Variants in FAM13C observed in about 807,000 individuals in gnomAD.
FAM13C encodes protein FAM13C.
FAM13C carries 37 observed loss-of-function variants against 73.2 expected under a neutral mutation model. The observed-to-expected ratio is 0.51, with a 90% CI of 0.39 to 0.67. The LOEUF is 0.67. Ranked by LOEUF, FAM13C falls within the 30% of genes least tolerant of loss-of-function variation. The pLI, the probability that FAM13C is intolerant of heterozygous loss-of-function variation, is 0.00. For synonymous variants in FAM13C, 246 were observed against 260.9 expected (o/e 0.94, Z 0.55); for missense variants, 589 against 715.6 (o/e 0.82, Z 2.02).
At chr10:59,269,448 ACAT>A (rs1424555931) in intron 7 of FAM13C, among the ~76,000 whole-genome samples, 1 of 151,358 alleles carries the variant, frequency 6.6e-6, no homozygotes, top group Non-Finnish European at 1.5e-5. Context: ...ACACACACAC[ACAT>A]TATTTGGATG....
chr10:59,361,375 T>A (rs1282076508), intron 1 of FAM13C, among the ~76,000 whole-genome samples: 1 of 152,170 alleles, frequency 6.6e-6, no homozygotes, highest in Non-Finnish European at 1.5e-5. Context: ...TGGCAGGACT[T>A]GGAAGCCAAA....
At chr10:59,291,785 CTTTTTT>C (rs3078288) in intron 5 of FAM13C, among the ~76,000 whole-genome samples, 1 of 72,770 alleles carries the variant, frequency 1.4e-5, no homozygotes, top group Admixed American at 1.6e-4. Context: ...TATAAACTCC[CTTTTTT>C]TTTTTTTTTT....
At chr10:59,357,902 T>C (rs192987324) in intron 1 of FAM13C, among the ~76,000 whole-genome samples, 108 of 152,364 alleles carry the variant, frequency 7.1e-4, no homozygotes, top group African/African-American at 2.5e-3. Context: ...ATACTGTTTA[T>C]ACTATATGAA....
Position 59,263,936 on chromosome 10 carries a change from T to C in FAM13C, c.1024+149A>G, listed in dbSNP as rs1297944444. ...GCCAAACAATGACAGAGATACAGGG[T>C]GCTTTATTTCAAAAGGGAGTTACAG... On this transcript the variant is annotated intron_variant, in intron 9 of 13. Coordinates refer to ENST00000618804, the MANE Select transcript of FAM13C (RefSeq NM_198215.4). The C allele has an allele frequency of 7.0e-6, 5 of 710,452 alleles. No homozygotes were observed. The East Asian group carries it at 1.1e-4, about 15-fold the overall frequency. 44.0% of individuals were successfully genotyped at this position (710,452 alleles called of 1,614,324 possible).
chr10:59,253,096 A>C, intron 11 of FAM13C, 98 bp from the exon 12 acceptor site: 1 of 1,224,976 alleles, frequency 8.2e-7, no homozygotes, highest in Non-Finnish European at 1.2e-6. Context: ...AATGCCATGA[A>C]AACCAGTAGG....
chr10:59,251,263 AC>A (rs1457371023), intron 13 of FAM13C: 4 of 395,582 alleles, frequency 1.0e-5, no homozygotes, highest in African/African-American at 2.1e-5. Flanking sequence ...AAAAAAATCA[AC>A]AGATTTTTTT....
intron 1 of FAM13C, among the ~76,000 whole-genome samples, chr10:59,361,369 A>T (rs1205050418): frequency 6.6e-6 from 1 of 152,228 alleles, no homozygotes; most frequent in African/African-American, 2.4e-5. Flanking sequence ...TGATAGTGGC[A>T]GGACTTGGAA....
chr10:59,270,036 G>A lies in FAM13C; in HGVS notation c.666C>T (p.Thr222=), dbSNP rs1239060265. The A allele has an allele frequency of 6.2e-7, 1 of 1,613,856 alleles. No individual in the cohort carries two copies. Among genetic ancestry groups the A allele is most frequent in the Admixed American group, 1.7e-5 (1 of 60,006 alleles). ...CAGTGATGTGATAGAGCAGCCTGCT[G>A]GTCCCCACAGAGTGGAGGTCTTCTG... ...SAPEDLHSVG[T]SRLLYHITDG... is the part of the protein sequence containing the mutation. Residue 222 remains threonine (T), a synonymous_variant, in exon 7 of 14, where the codon ACC becomes ACT. Coordinates refer to ENST00000618804, the MANE Select transcript of FAM13C (RefSeq NM_198215.4).
intron 5 of FAM13C, among the ~76,000 whole-genome samples, chr10:59,296,265 A>G (rs980774006): frequency 6.6e-6 from 1 of 152,190 alleles, no homozygotes; most frequent in Non-Finnish European, 1.5e-5. Flanking sequence ...ATAAAAACAC[A>G]ATCTAGTCCT....
intron 8 of FAM13C, among the ~76,000 whole-genome samples, chr10:59,265,017 T>G (rs770676859): frequency 6.6e-6 from 1 of 151,966 alleles, no homozygotes; most frequent in Non-Finnish European, 1.5e-5. Context: ...TTTTTTTCTT[T>G]AAGGATCCAC....
intron 7 of FAM13C, 141 bp from the exon 8 acceptor site, chr10:59,268,832 C>T: frequency 1.1e-6 from 1 of 944,984 alleles, no homozygotes; most frequent in Non-Finnish European, 1.5e-6. Flanking sequence ...ACCATGGTAG[C>T]ATCTGCTCAT....
intron 6 of FAM13C, 37 bp from the exon 7 acceptor site, chr10:59,270,146 G>T: frequency 6.3e-7 from 1 of 1,589,758 alleles, no homozygotes; most frequent in South Asian, 1.1e-5. Flanking sequence ...ACTTAGAAGT[G>T]ACAGAGGGCT....
At chr10:59,295,190 A>G (rs182257628) in intron 5 of FAM13C, among the ~76,000 whole-genome samples, 7 of 152,332 alleles carry the variant, frequency 4.6e-5, no homozygotes, top group Admixed American at 4.6e-4. Flanking sequence ...ATAATCAAAC[A>G]CTAATCTAGG....
Position 59,352,457 on chromosome 10 carries a change from T to C in FAM13C, c.137A>G (p.Glu46Gly). The change falls in exon 3 of 14, where the codon GAG becomes GGG. Residue 46 changes from glutamate (E) to glycine (G), a missense_variant. Coordinates refer to ENST00000618804, the MANE Select transcript of FAM13C (RefSeq NM_198215.4). ...CSSLRDENNK[E>G]NYPDAGALVE... ...CAGAGCCCCTGCGTCGGGGTAGTTCTCTTTATTGTTTTCATCTCTAAAACA... is the reference window on the plus strand; with the variant it reads ...CAGAGCCCCTGCGTCGGGGTAGTTCCCTTTATTGTTTTCATCTCTAAAACA... 1 of 1,609,234 alleles carries C rather than the reference T, an allele frequency of 6.2e-7. No individual in the cohort carries two copies. Among genetic ancestry groups the C allele is most frequent in the South Asian group, 1.1e-5 (1 of 90,246 alleles).
At chr10:59,310,227 C>A (rs1848760732) in intron 4 of FAM13C, among the ~76,000 whole-genome samples, 2 of 152,144 alleles carry the variant, frequency 1.3e-5, no homozygotes, top group African/African-American at 4.8e-5. Context: ...TATGAGAAGG[C>A]AATACTTGGG....
At chr10:59,280,946 A>T (rs2133667765) in intron 6 of FAM13C, among the ~76,000 whole-genome samples, 1 of 152,324 alleles carries the variant, frequency 6.6e-6, no homozygotes, top group East Asian at 1.9e-4. Flanking sequence ...AGGTATTCTT[A>T]TGAAAATCAC....
At chr10:59,253,470 C>T (rs564043719) in intron 11 of FAM13C, among the ~76,000 whole-genome samples, 74 of 152,232 alleles carry the variant, frequency 4.9e-4, no homozygotes, top group Non-Finnish European at 7.9e-4. Context: ...AGTAAATTGA[C>T]AAGTTCAGGG....
rs1182670419 is a variant in FAM13C, at chr10:59,314,618, A to ATT, written c.443+9369_443+9370insAA. ...TTTTCTTGTGTTGGTGCTAAACTTA[A>ATT]GGCACTAAGAAGACTTCAACAGCTG... On this transcript the variant is annotated intron_variant, in intron 4 of 13. Transcript: ENST00000618804. 7.9e-5 allele frequency among the ~76,000 whole-genome samples: 12 copies of ATT among 152,316 alleles called. No homozygotes were observed. In the East Asian group the frequency reaches 9.7e-4, roughly 12 times the overall value.
chr10:59,246,136 A>T lies in FAM13C; in HGVS notation c.*1478T>A, dbSNP rs1033942223. ...TACTGTGTTTCAACATAATAAATAT[A>T]ATAGAAAAATATTTTATTTGTATTG... On this transcript the variant is annotated 3_prime_UTR_variant, in exon 14 of 14. Transcript: ENST00000618804. The T allele has an allele frequency of 6.5e-6, 1 of 152,722 alleles. No individual in the cohort carries two copies. Among genetic ancestry groups the T allele is most frequent in the Non-Finnish European group, 1.5e-5 (1 of 68,096 alleles). 9.5% of individuals were successfully genotyped at this position (152,722 alleles called of 1,614,324 possible).
Sources: allele counts gnomAD v4.1 joint callset (sites outside exome capture counted in the v4.1 genomes callset), GRCh38; gene constraint gnomAD v4.1.1; transcripts MANE v1.5; gene names NCBI Gene and HGNC (gene_info 2026-07-23, HGNC 2026-07-21).